The following RFX3 variants were observed in gnomAD, a reference collection of about 807,000 sequenced individuals.
The protein encoded by RFX3 is transcription factor RFX3.
RFX3 carries 14 observed loss-of-function variants against 98.6 expected under a neutral mutation model. The observed-to-expected ratio is 0.14, with a 90% CI of 0.09 to 0.22. RFX3 has a LOEUF of 0.22. Ranked by LOEUF, RFX3 falls within the 10% of genes least tolerant of loss-of-function variation. RFX3 has a pLI of 1.00. For synonymous variants in RFX3, 383 were observed against 328.4 expected, an observed-to-expected ratio of 1.17 and a Z score of -1.80; for missense variants, 639 against 926.9, an observed-to-expected ratio of 0.69 and a Z score of 4.03.
Position 3,398,413 on chromosome 9 carries a change from G to C in RFX3, c.-8-2817C>G, listed in dbSNP as rs553339193. 2.2e-4 allele frequency among the ~76,000 whole-genome samples: 34 copies of C among 152,148 alleles called. No homozygotes were observed. In the South Asian group the frequency reaches 6.6e-3, roughly 30 times the overall value. On this transcript the variant is annotated intron_variant, in intron 1 of 16. Transcript: ENST00000617270. ...TTTATTACACATTTATATGCCATTTGTGCTATAGCAGAGGAACTATTAGTA... is the reference window on the plus strand; with the variant it reads ...TTTATTACACATTTATATGCCATTTCTGCTATAGCAGAGGAACTATTAGTA...
intron 1 of RFX3, among the ~76,000 whole-genome samples, chr9:3,482,771 G>A (rs372751900): frequency 2.6e-5 from 4 of 151,970 alleles, no homozygotes; most frequent in African/African-American, 9.7e-5. Flanking sequence ...ATATGTATAA[G>A]TGTTACAAGA....
Position 3,219,377 on chromosome 9 carries a change from T to C in RFX3, c.*5665A>G, listed in dbSNP as rs1817226430. ...TAAAGAATATTTGTTGTCCTCGTTA[T>C]TGAGCTACATAAACAATTCTTACCA... On this transcript the variant is annotated 3_prime_UTR_variant, in exon 17 of 17. Transcript: ENST00000617270. 1 of 151,940 alleles carries C rather than the reference T, an allele frequency of 6.6e-6. No individual in the cohort carries two copies. The highest frequency in any genetic ancestry group is 2.4e-5 in the African/African-American group (1 of 41,360). 9.4% of individuals were successfully genotyped at this position (151,940 alleles called of 1,614,324 possible). A position where few individuals can be genotyped will look rare whatever the true frequency, so the allele number is the denominator to read the frequency against.
chr9:3,456,150 C>T (rs1420019719), intron 1 of RFX3, among the ~76,000 whole-genome samples: 2 of 152,186 alleles, frequency 1.3e-5, no homozygotes, highest in East Asian at 3.8e-4. Context: ...GCCCTCATGA[C>T]CTTATGACCA....
intron 15 of RFX3, among the ~76,000 whole-genome samples, chr9:3,239,297 G>A (rs1387154720): frequency 6.6e-6 from 1 of 152,168 alleles, no homozygotes. Context: ...GTGTTCCTTG[G>A]TTACTTTTCT....
intron 3 of RFX3, among the ~76,000 whole-genome samples, chr9:3,331,704 A>G (rs1832623801): frequency 6.6e-6 from 1 of 152,116 alleles, no homozygotes; most frequent in East Asian, 1.9e-4. Context: ...AGCACATCAA[A>G]TATTAATATT....
chr9:3,452,258 G>A (rs954061258), intron 1 of RFX3: 1 of 190,496 alleles, frequency 5.2e-6, no homozygotes, highest in Non-Finnish European at 1.2e-5. Flanking sequence ...GGCTCTTCTA[G>A]TTTTCTTAAG....
chr9:3,515,091 T>G (rs1171839654), intron 1 of RFX3, among the ~76,000 whole-genome samples: 1 of 152,196 alleles, frequency 6.6e-6, no homozygotes, highest in Non-Finnish European at 1.5e-5. Flanking sequence ...ACCTAAATTC[T>G]AATGCAAAAA....
At chr9:3,324,188 A>C (rs1048833030) in intron 4 of RFX3, 4 of 242,558 alleles carry the variant, frequency 1.6e-5, no homozygotes, top group African/African-American at 9.0e-5. Context: ...GTCTTTTTTT[A>C]AAAAATATTG....
chr9:3,386,062 C>G (rs1312859218), intron 2 of RFX3, among the ~76,000 whole-genome samples: 2 of 152,174 alleles, frequency 1.3e-5, no homozygotes, highest in African/African-American at 2.4e-5. Flanking sequence ...GGTGTTGGTT[C>G]TGATCTAGAG....
intron 4 of RFX3, among the ~76,000 whole-genome samples, chr9:3,313,275 A>C (rs1000508441): frequency 6.6e-6 from 1 of 152,200 alleles, no homozygotes; most frequent in South Asian, 2.1e-4. Flanking sequence ...GACCTCCAGC[A>C]AACTCCAACA....
intron 4 of RFX3, among the ~76,000 whole-genome samples, chr9:3,320,180 CAA>C (rs1831097610): frequency 6.6e-6 from 1 of 152,066 alleles, no homozygotes; most frequent in Admixed American, 6.5e-5. Context: ...TTAAAAATAA[CAA>C]GTGACTTCTT....
intron 7 of RFX3, among the ~76,000 whole-genome samples, chr9:3,286,754 C>G (rs1826659285): frequency 6.6e-6 from 1 of 151,894 alleles, no homozygotes; most frequent in African/African-American, 2.4e-5. Flanking sequence ...GATCTCATCT[C>G]CCACTAAACT....
At chr9:3,241,106 T>C (rs897807544) in intron 15 of RFX3, among the ~76,000 whole-genome samples, 5 of 152,220 alleles carry the variant, frequency 3.3e-5, no homozygotes, top group Non-Finnish European at 7.3e-5. Flanking sequence ...TTCTAAGCTC[T>C]TTAGGGAAAT....
chr9:3,331,245 G>T (rs1832567079), intron 3 of RFX3, among the ~76,000 whole-genome samples: 1 of 152,086 alleles, frequency 6.6e-6, no homozygotes, highest in African/African-American at 2.4e-5. Flanking sequence ...AAAGACTCCT[G>T]TCAGTCCTTA....
In RFX3 at chr9:3,405,429, GACTA is replaced by G. The variant is rs1266532030; in HGVS notation, c.-8-9837_-8-9834del. Among the ~76,000 whole-genome samples the G allele has an allele frequency of 4.6e-5, 7 of 152,098 alleles. No individual in the cohort carries two copies. In the East Asian group the frequency reaches 1.4e-3, roughly 29 times the overall value. ...ACTACCCATTGAATCTCTTTAAATA[GACTA>G]TCATCATTACAAGTCCACCTGTTCA... On this transcript the variant is annotated intron_variant, in intron 1 of 16. Transcript: ENST00000617270.
At chr9:3,438,468 A>G (rs1035109034) in intron 1 of RFX3, among the ~76,000 whole-genome samples, 2 of 152,064 alleles carry the variant, frequency 1.3e-5, no homozygotes, top group Non-Finnish European at 2.9e-5. Context: ...TAGAAAAAGA[A>G]AAAGAAAGAA....
intron 2 of RFX3, among the ~76,000 whole-genome samples, chr9:3,377,670 T>C (rs1838701993): frequency 6.6e-6 from 1 of 152,088 alleles, no homozygotes; most frequent in Non-Finnish European, 1.5e-5. Context: ...GCGATCTAAA[T>C]AACAGAAAGC....
chr9:3,292,159 A>G (rs989710159), intron 6 of RFX3, among the ~76,000 whole-genome samples: 1 of 146,774 alleles, frequency 6.8e-6, no homozygotes, highest in African/African-American at 2.5e-5. Context: ...ATATCACCTA[A>G]TGTTGTATAG....
rs1016926715 is a variant in RFX3, at chr9:3,223,091, C to T, written c.*1951G>A. 6.6e-6 allele frequency: 1 copy of T among 151,740 alleles called. No individual in the cohort carries two copies. The highest frequency in any genetic ancestry group is 6.6e-5 in the Admixed American group (1 of 15,212). The allele number at this position is 151,740 out of a possible 1,614,324, so 9.4% of individuals were successfully genotyped here. On this transcript the variant is annotated 3_prime_UTR_variant, in exon 17 of 17. Transcript: ENST00000617270. Reference sequence around the variant, plus strand: ...CCCCACCCCCCTTACCCCAATACCACTGGAAAGATAAACATCTTGGGTTTA... The same window carrying T: ...CCCCACCCCCCTTACCCCAATACCATTGGAAAGATAAACATCTTGGGTTTA...
Sources: allele counts gnomAD v4.1 joint callset (sites outside exome capture counted in the v4.1 genomes callset), GRCh38; gene constraint gnomAD v4.1.1; transcripts MANE v1.5; gene names NCBI Gene and HGNC (gene_info 2026-07-23, HGNC 2026-07-21).